The following CA8 variants were observed in gnomAD, a reference collection of about 807,000 sequenced individuals.
CA8 encodes the protein carbonic anhydrase 8 (inactive).
In CA8, 22 loss-of-function variants were observed where a neutral mutation model predicts 41.4. The observed-to-expected ratio is 0.53, with a 90% confidence interval of 0.38 to 0.76. CA8 has a LOEUF of 0.76. Among genes scored for constraint, CA8 ranks in the 30% least tolerant of loss-of-function variants. The probability of loss-of-function intolerance (pLI) is 0.00; values close to 1 mark genes in which losing one functional copy is unlikely to be tolerated. For missense variants in CA8, 270 were observed against 352.8 expected, an observed-to-expected ratio of 0.77 and a Z score of 1.88; for synonymous variants, 121 against 130.6, an observed-to-expected ratio of 0.93 and a Z score of 0.50.
At chr8:60,232,628 A>G (rs1807694310) in intron 3 of CA8, 1 of 526,138 alleles carries the variant, frequency 1.9e-6, no homozygotes, top group African/African-American at 1.9e-5. Flanking sequence ...GAGGAGGAAG[A>G]CAACTGGAGG....
chr8:60,200,056 T>C (rs1276082424), intron 8 of CA8, among the ~76,000 whole-genome samples: 13 of 152,180 alleles, frequency 8.5e-5, no homozygotes. Flanking sequence ...GGTGATTATA[T>C]TGATCATGTG....
chr8:60,235,901 A>C (rs991687566), intron 3 of CA8, among the ~76,000 whole-genome samples: 3 of 152,160 alleles, frequency 2.0e-5, no homozygotes, highest in African/African-American at 7.2e-5. Flanking sequence ...TCTTTCTTTC[A>C]AAGGTCTTTT....
intron 8 of CA8, among the ~76,000 whole-genome samples, chr8:60,190,938 C>CTATATATATATATATATATATATATA (rs35486936): frequency 1.3e-3 from 148 of 117,128 alleles, no homozygotes; most frequent in Admixed American, 1.7e-3. Flanking sequence ...CACACACACA[C>CTATATATATATATATATATATATATA]TATATATATA....
At chr8:60,242,111 A>C (rs1478627041) in intron 3 of CA8, among the ~76,000 whole-genome samples, 1 of 152,232 alleles carries the variant, frequency 6.6e-6, no homozygotes, top group African/African-American at 2.4e-5. Context: ...CCAGGATGTA[A>C]ATAAACAAAA....
At chr8:60,241,591 T>C (rs1340165949) in intron 3 of CA8, among the ~76,000 whole-genome samples, 1 of 152,216 alleles carries the variant, frequency 6.6e-6, no homozygotes, top group African/African-American at 2.4e-5. Context: ...AAATTCACTA[T>C]AAAAGATTGG....
intron 7 of CA8, among the ~76,000 whole-genome samples, chr8:60,222,399 G>A (rs1364247307): frequency 6.6e-6 from 1 of 152,138 alleles, no homozygotes; most frequent in Non-Finnish European, 1.5e-5. Flanking sequence ...CTAATAAAAA[G>A]TTTTGCTCTT....
At chr8:60,220,227 T>C (rs1807197882) in intron 7 of CA8, among the ~76,000 whole-genome samples, 1 of 152,154 alleles carries the variant, frequency 6.6e-6, no homozygotes, top group Non-Finnish European at 1.5e-5. Flanking sequence ...TTAGATGGGC[T>C]AAGGTGTTTA....
intron 8 of CA8, among the ~76,000 whole-genome samples, chr8:60,202,110 C>T (rs1051741862): frequency 2.7e-5 from 4 of 150,546 alleles, no homozygotes; most frequent in African/African-American, 9.8e-5. Flanking sequence ...GTGGCACGAT[C>T]TCGGATCACT....
chr8:60,225,692 T>A (rs1433722659), intron 5 of CA8, among the ~76,000 whole-genome samples: 1 of 152,190 alleles, frequency 6.6e-6, no homozygotes, highest in African/African-American at 2.4e-5. Flanking sequence ...TGGCTTTGGG[T>A]CTCTGGATCC....
chr8:60,270,405 C>T (rs1379017902), intron 2 of CA8, among the ~76,000 whole-genome samples: 4 of 152,140 alleles, frequency 2.6e-5, no homozygotes, highest in African/African-American at 9.7e-5. Context: ...TACTTACTTA[C>T]CTACTTATTT....
intron 1 of CA8, among the ~76,000 whole-genome samples, chr8:60,280,841 G>A (rs1804394327): frequency 6.6e-6 from 1 of 152,216 alleles, no homozygotes; most frequent in Admixed American, 6.5e-5. Flanking sequence ...GCAGGCGGCG[G>A]AAGAGCGCAG....
At chr8:60,205,487 TTG>T (rs1033955518) in intron 8 of CA8, among the ~76,000 whole-genome samples, 10 of 152,176 alleles carry the variant, frequency 6.6e-5, no homozygotes, top group African/African-American at 2.4e-4. Flanking sequence ...CATTTGTTCA[TTG>T]TTATTAAAAT....
At chr8:60,221,705 G>A (rs1807257446) in intron 7 of CA8, among the ~76,000 whole-genome samples, 2 of 152,240 alleles carry the variant, frequency 1.3e-5, no homozygotes, top group Admixed American at 1.3e-4. Flanking sequence ...AGGGTATGGG[G>A]AGGAGAGGCT....
intron 8 of CA8, among the ~76,000 whole-genome samples, chr8:60,190,586 T>C (rs1806091663): frequency 6.7e-6 from 1 of 149,926 alleles, no homozygotes; most frequent in African/African-American, 2.4e-5. Context: ...TGAACTAGCA[T>C]TGCTAGCAAT....
chr8:60,233,626 C>T (rs987443108), intron 3 of CA8, among the ~76,000 whole-genome samples: 2 of 152,128 alleles, frequency 1.3e-5, no homozygotes, highest in African/African-American at 2.4e-5. Context: ...TTCCCTTCTC[C>T]AGCTGCAACA....
chr8:60,279,480 C>G (rs1404598756), intron 2 of CA8, among the ~76,000 whole-genome samples: 2 of 152,218 alleles, frequency 1.3e-5, no homozygotes, highest in Admixed American at 6.5e-5. Flanking sequence ...GAACAACCGA[C>G]TGATAATCTT....
Position 60,248,313 on chromosome 8 carries a change from C to T in CA8, c.418-15934G>A, listed in dbSNP as rs182780904. 3.7e-3 allele frequency among the ~76,000 whole-genome samples: 564 copies of T among 152,184 alleles called. 3 individuals carry two copies. Among genetic ancestry groups the T allele is most frequent in the African/African-American group, 0.012 (489 of 41,542 alleles). Reference sequence around the variant, plus strand: ...GCAATTGCTTTTGGTGTTTCCGTCACGAAATCTTTGCCCATGCCTATGTCC... The same window carrying T: ...GCAATTGCTTTTGGTGTTTCCGTCATGAAATCTTTGCCCATGCCTATGTCC... On this transcript the variant is annotated intron_variant, in intron 3 of 8. Coordinates refer to ENST00000317995, the MANE Select transcript of CA8 (RefSeq NM_004056.6).
Position 60,281,028 on chromosome 8 carries a change from C to T in CA8, c.100+20G>A. 2 of 1,582,652 alleles carry T rather than the reference C, an allele frequency of 1.3e-6. No individual in the cohort carries two copies. Among genetic ancestry groups the T allele is most frequent in the Non-Finnish European group, 1.7e-6 (2 of 1,154,680 alleles). On this transcript the variant is annotated intron_variant, in intron 1 of 8. Coordinates refer to ENST00000317995, the MANE Select transcript of CA8 (RefSeq NM_004056.6). The stretch of plus-strand genomic sequence containing the variant: ...GACGCCGCCGCGGGACCCCGGACAC[C>T]CCGACTCGCGGCCACTTACCTTCCT...
intron 3 of CA8, among the ~76,000 whole-genome samples, chr8:60,250,928 T>A (rs1257770518): frequency 6.6e-6 from 1 of 152,168 alleles, no homozygotes; most frequent in Non-Finnish European, 1.5e-5. Context: ...AATTTCTAGA[T>A]CCTCCAAATC....
Sources: allele counts gnomAD v4.1 joint callset (sites outside exome capture counted in the v4.1 genomes callset), GRCh38; gene constraint gnomAD v4.1.1; transcripts MANE v1.5; gene names NCBI Gene and HGNC (gene_info 2026-07-23, HGNC 2026-07-21).